UNC13C: variants seen among roughly 807,000 people sequenced by gnomAD.
The protein encoded by UNC13C is unc-13 homolog C, also known as protein unc-13 homolog C.
UNC13C carries 174 observed loss-of-function variants against 245.4 expected under a neutral mutation model. That is an observed-to-expected ratio of 0.71 (90% confidence interval 0.63 to 0.80). UNC13C has a LOEUF of 0.80. UNC13C is among the 30% of genes least tolerant of loss of function. The pLI, the probability that UNC13C is intolerant of heterozygous loss-of-function variation, is 0.00. For missense variants in UNC13C, 2,829 were observed against 2,602.9 expected (o/e 1.09, Z -1.89); for synonymous variants, 992 against 895.1 (o/e 1.11, Z -1.93).
At chr15:54,533,112 T>G in intron 26 of UNC13C, 46 bp downstream of exon 26, 1 of 1,510,976 alleles carries the variant, frequency 6.6e-7, no homozygotes, top group African/African-American at 1.4e-5. Context: ...GCCCTAAATT[T>G]GACCTTTAAG....
chr15:54,007,299 A>G (rs532998675), intron 1 of UNC13C, among the ~76,000 whole-genome samples: 1 of 152,188 alleles, frequency 6.6e-6, no homozygotes, highest in Admixed American at 6.5e-5. Context: ...GATTAAGCAA[A>G]TAACAGTAAA....
intron 23 of UNC13C, among the ~76,000 whole-genome samples, chr15:54,508,941 C>T (rs973619926): frequency 5.9e-5 from 9 of 152,032 alleles, no homozygotes; most frequent in Non-Finnish European, 5.9e-5. Context: ...GGCTCACACC[C>T]ATAATTCCAG....
At position 54,046,666 on chromosome 15, in the gene UNC13C, TGTG is replaced by T. The variant is rs981664108; in HGVS notation, c.2983+30783_2983+30785del. Among the ~76,000 whole-genome samples, 5 of 152,102 alleles carry T rather than the reference TGTG, an allele frequency of 3.3e-5. No individual in the cohort carries two copies. In the East Asian group the frequency reaches 5.8e-4, roughly 18 times the overall value. The stretch of plus-strand genomic sequence containing the variant: ...TAGACACTTTTTTTTACTTTTTTAT[TGTG>T]GTAAAATATATATAACAAAACTCTT... On this transcript the variant is annotated intron_variant, in intron 2 of 32. Coordinates refer to ENST00000260323, the MANE Select transcript of UNC13C (RefSeq NM_001080534.3).
intron 2 of UNC13C, among the ~76,000 whole-genome samples, chr15:54,060,412 A>C (rs1897760167): frequency 6.6e-6 from 1 of 152,150 alleles, no homozygotes; most frequent in Non-Finnish European, 1.5e-5. Context: ...TCAAAACCAC[A>C]ATGAGATACC....
chr15:53,996,860 T>C (rs1417970361), intron 1 of UNC13C, among the ~76,000 whole-genome samples: 1 of 151,880 alleles, frequency 6.6e-6, no homozygotes, highest in East Asian at 1.9e-4. Flanking sequence ...TTGGCTATTA[T>C]GAAAAAAGCT....
At chr15:54,367,754 G>A (rs936377320) in intron 17 of UNC13C, among the ~76,000 whole-genome samples, 4 of 152,070 alleles carry the variant, frequency 2.6e-5, no homozygotes, top group Admixed American at 6.6e-5. Context: ...AGGCAAGTCA[G>A]TTCTGTCCCA....
chr15:53,890,271 A>G, the UNC13C span, among the ~76,000 whole-genome samples: 1 of 151,878 alleles, frequency 6.6e-6, no homozygotes, highest in African/African-American at 2.4e-5. Flanking sequence ...CCTCCTGAGT[A>G]GCTGGGACTA....
At chr15:54,169,992 C>T (rs67362604) in intron 4 of UNC13C, among the ~76,000 whole-genome samples, 4,530 of 37,660 alleles carry the variant, frequency 0.12, 141 homozygotes, top group African/African-American at 0.14. Context: ...TATCCTTTTT[C>T]TTTTTTTTTT....
intron 2 of UNC13C, among the ~76,000 whole-genome samples, chr15:54,033,838 G>C (rs926561458): frequency 7.9e-5 from 12 of 152,144 alleles, no homozygotes; most frequent in African/African-American, 2.9e-4. Context: ...TTGAGCATAG[G>C]AGATCTGTAT....
chr15:54,191,319 T>C (rs1428624267), intron 4 of UNC13C, among the ~76,000 whole-genome samples: 2 of 152,124 alleles, frequency 1.3e-5, no homozygotes, highest in African/African-American at 4.8e-5. Context: ...TCTGTTGCTG[T>C]GTTAGTTTGC....
intron 30 of UNC13C, among the ~76,000 whole-genome samples, chr15:54,598,758 G>T (rs772549051): frequency 6.4e-4 from 97 of 152,030 alleles, no homozygotes; most frequent in Non-Finnish European, 1.3e-3. Context: ...AATACTTGAA[G>T]CAAAAAGATT....
At chr15:53,929,105 C>A in the UNC13C span, among the ~76,000 whole-genome samples, 1 of 152,144 alleles carries the variant, frequency 6.6e-6, no homozygotes, top group East Asian at 1.9e-4. Context: ...GCTGGGGAGG[C>A]CTCACAATCC....
At chr15:54,183,000 G>A (rs2141306450) in intron 4 of UNC13C, among the ~76,000 whole-genome samples, 1 of 151,932 alleles carries the variant, frequency 6.6e-6, no homozygotes, top group East Asian at 1.9e-4. Flanking sequence ...ACTTTAGTAA[G>A]CGAGTATTCA....
At chr15:54,237,129 T>G (rs2035722210) in intron 6 of UNC13C, among the ~76,000 whole-genome samples, 1 of 152,126 alleles carries the variant, frequency 6.6e-6, no homozygotes, top group African/African-American at 2.4e-5. Context: ...AATGAACACT[T>G]AGAAAAAATA....
intron 2 of UNC13C, among the ~76,000 whole-genome samples, chr15:54,099,966 G>C (rs921391210): frequency 6.6e-6 from 1 of 151,840 alleles, no homozygotes; most frequent in African/African-American, 2.4e-5. Context: ...CAGGTGTGGT[G>C]GTGGGCACCT....
intron 28 of UNC13C, among the ~76,000 whole-genome samples, chr15:54,551,348 C>A (rs1204604402): frequency 6.6e-6 from 1 of 152,024 alleles, no homozygotes; most frequent in Non-Finnish European, 1.5e-5. Context: ...ATCAGTAGCT[C>A]TGAGGAAGTA....
At chr15:54,621,264 G>A (rs111743763) in intron 30 of UNC13C, among the ~76,000 whole-genome samples, 40 of 152,164 alleles carry the variant, frequency 2.6e-4, no homozygotes, top group African/African-American at 8.9e-4. Flanking sequence ...AAATGAGATT[G>A]CAAAAGTTAC....
At chr15:54,383,170 G>T (rs2039764196) in intron 17 of UNC13C, among the ~76,000 whole-genome samples, 1 of 152,108 alleles carries the variant, frequency 6.6e-6, no homozygotes, top group African/African-American at 2.4e-5. Context: ...ATTGAATAGA[G>T]AATTCTCCCT....
the UNC13C span, among the ~76,000 whole-genome samples, chr15:53,928,389 G>T: frequency 1.3e-5 from 2 of 152,214 alleles, no homozygotes; most frequent in African/African-American, 2.4e-5. Flanking sequence ...GCTTAAGAAT[G>T]CCTTTAAGCG....
Sources: allele counts gnomAD v4.1 joint callset (sites outside exome capture counted in the v4.1 genomes callset), GRCh38; gene constraint gnomAD v4.1.1; transcripts MANE v1.5; gene names NCBI Gene and HGNC (gene_info 2026-07-23, HGNC 2026-07-21).